KCNN2: variants seen among roughly 807,000 people sequenced by gnomAD.
KCNN2 encodes small conductance calcium-activated potassium channel protein 2.
In KCNN2, 24 loss-of-function variants were observed where a neutral mutation model predicts 55.5. The observed-to-expected ratio is 0.43, with a 90% CI of 0.31 to 0.61. The LOEUF (loss-of-function observed/expected upper bound fraction) is 0.61, where lower values mean the gene tolerates loss of function less well. Among genes scored for constraint, KCNN2 ranks in the 20% least tolerant of loss-of-function variants. KCNN2 has a pLI of 0.08. For missense variants in KCNN2, 754 were observed against 853.6 expected (o/e 0.88, Z 1.45); for synonymous variants, 431 against 336.1 (o/e 1.28, Z -3.09).
At chr5:114,331,237 A>G (rs1309566637) in intron 2 of KCNN2, among the ~76,000 whole-genome samples, 1 of 152,212 alleles carries the variant, frequency 6.6e-6, no homozygotes, top group Non-Finnish European at 1.5e-5. Context: ...GGGAAGTTTG[A>G]GAGGAAATAA....
chr5:114,372,193 G>T (rs1450509770), intron 2 of KCNN2, among the ~76,000 whole-genome samples: 1 of 152,142 alleles, frequency 6.6e-6, no homozygotes, highest in Non-Finnish European at 1.5e-5. Flanking sequence ...GTCGATATTG[G>T]TGGTTCTTAC....
At chr5:114,121,956 TTC>T (rs1198272596) in intron 1 of KCNN2, among the ~76,000 whole-genome samples, 2 of 152,236 alleles carry the variant, frequency 1.3e-5, no homozygotes, top group Admixed American at 1.3e-4. Flanking sequence ...AGGATGTTTG[TTC>T]TGTTTTACAC....
At chr5:114,122,051 G>A (rs952329160) in intron 1 of KCNN2, among the ~76,000 whole-genome samples, 1 of 152,172 alleles carries the variant, frequency 6.6e-6, no homozygotes, top group Non-Finnish European at 1.5e-5. Flanking sequence ...AGTGAGACTT[G>A]CATGTGTAGG....
At chr5:114,081,220 C>T (rs1036826208) in intron 1 of KCNN2, among the ~76,000 whole-genome samples, 3 of 152,084 alleles carry the variant, frequency 2.0e-5, no homozygotes, top group Non-Finnish European at 2.9e-5. Context: ...GTCTACCCCC[C>T]AAAATCTACA....
intron 1 of KCNN2, among the ~76,000 whole-genome samples, chr5:114,070,409 A>C (rs548194694): frequency 1.3e-5 from 2 of 152,338 alleles, no homozygotes; most frequent in Admixed American, 1.3e-4. Flanking sequence ...TACCTGAGCT[A>C]TTCTTTATCT....
chr5:114,127,289 T>C (rs1448074768), intron 1 of KCNN2, among the ~76,000 whole-genome samples: 1 of 152,216 alleles, frequency 6.6e-6, no homozygotes, highest in Non-Finnish European at 1.5e-5. Flanking sequence ...CTGTGAGGGC[T>C]CTACCCCTGA....
chr5:114,200,185 T>C (rs1481008462), intron 1 of KCNN2, among the ~76,000 whole-genome samples: 1 of 152,158 alleles, frequency 6.6e-6, no homozygotes, highest in East Asian at 1.9e-4. Flanking sequence ...AAAGGATTTG[T>C]TCATTTTTTA....
At chr5:114,132,120 A>G (rs1752083833) in intron 1 of KCNN2, among the ~76,000 whole-genome samples, 1 of 152,138 alleles carries the variant, frequency 6.6e-6, no homozygotes, top group Non-Finnish European at 1.5e-5. Context: ...GCTGTGCAGA[A>G]GCTCTTTAGT....
In KCNN2 at chr5:114,150,977, C is replaced by T. The variant is rs147582491; in HGVS notation, c.-270-70503C>T. On this transcript the variant is annotated intron_variant, in intron 1 of 10. Transcript: ENST00000512097. ...CAGAGGTTGCGGTGAGCTGAGATGG[C>T]GCCATTGCACTCCAGCCTGGGCAAC... Among the ~76,000 whole-genome samples the T allele has an allele frequency of 2.8e-3, 423 of 152,102 alleles. 2 individuals carry two copies. The highest frequency in any genetic ancestry group is 9.3e-3 in the African/African-American group (387 of 41,490).
At chr5:114,393,237 G>T (rs1758510231) in intron 2 of KCNN2, among the ~76,000 whole-genome samples, 2 of 151,936 alleles carry the variant, frequency 1.3e-5, no homozygotes, top group Admixed American at 1.3e-4. Flanking sequence ...AAGAGAGCTT[G>T]GTTTTATTGA....
intron 2 of KCNN2, among the ~76,000 whole-genome samples, chr5:114,290,331 T>C (rs1345088367): frequency 2.0e-5 from 3 of 152,156 alleles, no homozygotes; most frequent in African/African-American, 7.2e-5. Flanking sequence ...TAGTAATTTG[T>C]ATATTTCCAT....
At chr5:114,266,487 G>C (rs1476912425) in intron 2 of KCNN2, among the ~76,000 whole-genome samples, 1 of 152,172 alleles carries the variant, frequency 6.6e-6, no homozygotes, top group African/African-American at 2.4e-5. Flanking sequence ...ATGCTGGGTA[G>C]TTACTCTCCA....
chr5:114,268,799 A>G (rs373521067), intron 2 of KCNN2, among the ~76,000 whole-genome samples: 3 of 152,292 alleles, frequency 2.0e-5, no homozygotes, highest in African/African-American at 7.2e-5. Flanking sequence ...CATTTTCACT[A>G]TCTTAGAGCT....
intron 3 of KCNN2, among the ~76,000 whole-genome samples, chr5:114,446,390 A>T (rs1455250358): frequency 1.3e-5 from 2 of 152,186 alleles, no homozygotes; most frequent in Non-Finnish European, 2.9e-5. Context: ...TGTTCTGTGG[A>T]TCTCACAACT....
At chr5:114,457,867 A>G (rs1761001658) in intron 3 of KCNN2, among the ~76,000 whole-genome samples, 1 of 152,238 alleles carries the variant, frequency 6.6e-6, no homozygotes, top group South Asian at 2.1e-4. Flanking sequence ...CCATCTCTCA[A>G]GAATCACTGT....
intron 2 of KCNN2, among the ~76,000 whole-genome samples, chr5:114,272,832 T>G (rs1167358289): frequency 2.0e-5 from 3 of 152,166 alleles, no homozygotes; most frequent in African/African-American, 7.2e-5. Flanking sequence ...TCATATCAAC[T>G]GCAAAAACTT....
At chr5:114,107,211 G>C (rs544621851) in intron 1 of KCNN2, among the ~76,000 whole-genome samples, 2 of 152,126 alleles carry the variant, frequency 1.3e-5, no homozygotes, top group Admixed American at 1.3e-4. Flanking sequence ...ATACATGTTT[G>C]AGGCTACTTT....
intron 1 of KCNN2, among the ~76,000 whole-genome samples, chr5:114,103,005 T>C (rs1240734518): frequency 6.6e-6 from 1 of 152,188 alleles, no homozygotes; most frequent in African/African-American, 2.4e-5. Context: ...GGAATAGCAT[T>C]GAATCTATAG....
chr5:114,194,392 C>G (rs769226933), intron 1 of KCNN2, among the ~76,000 whole-genome samples: 1 of 151,918 alleles, frequency 6.6e-6, no homozygotes, highest in African/African-American at 2.4e-5. Flanking sequence ...TATAGCCATC[C>G]TAGTGGAGTG....
Sources: allele counts gnomAD v4.1 joint callset (sites outside exome capture counted in the v4.1 genomes callset), GRCh38; gene constraint gnomAD v4.1.1; transcripts MANE v1.5; gene names NCBI Gene and HGNC (gene_info 2026-07-23, HGNC 2026-07-21).